Variants in MAP1LC3A observed in about 807,000 individuals in gnomAD.
The protein encoded by MAP1LC3A is microtubule-associated protein 1 light chain 3 alpha.
In MAP1LC3A, 10 loss-of-function variants were observed where a neutral mutation model predicts 15.2. The observed-to-expected ratio is 0.66, with a 90% CI of 0.41 to 1.12. The LOEUF (loss-of-function observed/expected upper bound fraction) is 1.12. Among genes scored for constraint, MAP1LC3A ranks in the 50% most tolerant of loss-of-function variants. The pLI is 0.00. For missense variants in MAP1LC3A, 138 were observed against 167.3 expected (o/e 0.82, Z 0.97); for synonymous variants, 63 against 64.3 (o/e 0.98, Z 0.10).
chr20:34,558,729 C>T lies in MAP1LC3A; in HGVS notation c.-140C>T. The stretch of plus-strand genomic sequence containing the variant: ...GACCTGACGTCACCGGGCGAGTTAC[C>T]TCCCGCAGCCGCAGCCGCCGTGCTC... On this transcript the variant is annotated 5_prime_UTR_variant, in exon 1 of 4. Transcript: ENST00000360668. This position sits in a 1 kb window ranked among gnomAD's most constrained non-coding sequence, Gnocchi z 4.3. 2 of 1,297,502 alleles carry T rather than the reference C, an allele frequency of 1.5e-6. No individual in the cohort carries two copies. The highest frequency in any genetic ancestry group is 1.9e-6 in the Non-Finnish European group (2 of 1,026,574). The allele number at this position is 1,297,502 out of a possible 1,614,324, so 80.4% of individuals were successfully genotyped here. A position where few individuals can be genotyped will look rare whatever the true frequency, so the allele number is the denominator to read the frequency against.
chr20:34,555,855 T>TC (rs1483216078), upstream of MAP1LC3A, among the ~76,000 whole-genome samples: 1 of 151,122 alleles, frequency 6.6e-6, no homozygotes, highest in African/African-American at 2.4e-5. Context: ...TCTTTTTTTT[T>TC]TTTTTTTGAT....
chr20:34,557,362 G>T (rs147371527), upstream of MAP1LC3A, among the ~76,000 whole-genome samples: 1 of 152,096 alleles, frequency 6.6e-6, no homozygotes, highest in Non-Finnish European at 1.5e-5. Flanking sequence ...TTCTTTTGGT[G>T]ATCCTCTTAA....
At chr20:34,548,241 C>T (rs2146667901) in intron 1 of MAP1LC3A, among the ~76,000 whole-genome samples, 1 of 152,298 alleles carries the variant, frequency 6.6e-6, no homozygotes, top group South Asian at 2.1e-4. Context: ...AGAGCCTGGA[C>T]CTGACAGCTG....
chr20:34,556,224 A>C (rs1982152942), upstream of MAP1LC3A, among the ~76,000 whole-genome samples: 1 of 152,242 alleles, frequency 6.6e-6, no homozygotes, highest in African/African-American at 2.4e-5. Context: ...TATTTAGAAT[A>C]GGTTTAAATT....
rs1392661137 is a variant in MAP1LC3A at position 34,559,386 on chromosome 20, G to T, written c.136G>T (p.Val46Phe). The T allele has an allele frequency of 7.1e-7, 1 of 1,415,254 alleles. No individual in the cohort carries two copies. Among genetic ancestry groups the T allele is most frequent in the African/African-American group, 1.5e-5 (1 of 67,270 alleles). The allele number at this position is 1,415,254 out of a possible 1,614,324, so 87.7% of individuals were successfully genotyped here. ...CTACAAGGGTGAGAAGCAGCTGCCC[G>T]TCCTGGACAAGACCAAGTTTTTGGT... ...ERYKGEKQLP[V>F]LDKTKFLVPD... is the part of the protein sequence containing the mutation. The change falls in exon 3 of 4, where the codon GTC becomes TTC. Residue 46 changes from valine (V) to phenylalanine (F), a missense_variant. Transcript: ENST00000360668.
intron 1 of MAP1LC3A, among the ~76,000 whole-genome samples, chr20:34,547,222 G>A (rs980198198): frequency 2.6e-5 from 4 of 152,060 alleles, no homozygotes; most frequent in Non-Finnish European, 5.9e-5. Context: ...TTTTTCAGCC[G>A]GGGGTGCAGC....
In MAP1LC3A at chr20:34,560,181, T is replaced by C. The variant is rs75881564; in HGVS notation, c.*283T>C. 7 of 151,654 alleles carry C rather than the reference T, an allele frequency of 4.6e-5. No individual in the cohort carries two copies. The highest frequency in any genetic ancestry group is 3.9e-4 in the East Asian group (2 of 5,128). The allele number at this position is 151,654 out of a possible 1,614,324, so 9.4% of individuals were successfully genotyped here. On this transcript the variant is annotated 3_prime_UTR_variant, in exon 4 of 4. Coordinates refer to ENST00000360668, the MANE Select transcript of MAP1LC3A (RefSeq NM_032514.4). ...TTCATCTTTTTTTTAGGCCCCTGCC[T>C]GTCTGCCCATCTGCCCCTCACCCAC...
upstream of MAP1LC3A, among the ~76,000 whole-genome samples, chr20:34,554,354 GT>G (rs537779341): frequency 3.2e-4 from 34 of 106,126 alleles, no homozygotes; most frequent in Non-Finnish European, 4.6e-4. Context: ...TATACGTTGG[GT>G]TTTTTTTTTT....
chr20:34,559,555 G>C (rs1360388202), intron 3 of MAP1LC3A, 102 bp downstream of exon 3: 1 of 1,278,418 alleles, frequency 7.8e-7, no homozygotes, highest in Non-Finnish European at 1.1e-6. Context: ...GGGACCGGGC[G>C]GTGGGCCCCT....
Position 34,559,738 on chromosome 20 carries a change from G to C in MAP1LC3A, c.206G>C (p.Arg69Pro), listed in dbSNP as rs1357145981. Residue 69 changes from arginine (R) to proline (P), a missense_variant and splice_region_variant, in exon 4 of 4, where the codon CGC (arginine) becomes CCC (proline). By Grantham distance (103) the Arg-to-Pro change is moderately radical. Transcript: ENST00000360668. Reference protein sequence around the residue: ...NMSELVKIIRRRLQLNPTQAF... With the variant: ...NMSELVKIIRPRLQLNPTQAF... ...GCATACTCTCCCGCCGGCTGCAGGCGCCGCCTGCAGCTGAACCCCACGCAG... is the reference window on the plus strand; with the variant it reads ...GCATACTCTCCCGCCGGCTGCAGGCCCCGCCTGCAGCTGAACCCCACGCAG... The C allele has an allele frequency of 6.2e-7, 1 of 1,600,356 alleles. No homozygotes were observed. The highest frequency in any genetic ancestry group is 8.5e-7 in the Non-Finnish European group (1 of 1,176,238).
chr20:34,558,944 A>G lies in MAP1LC3A; in HGVS notation c.40+36A>G, dbSNP rs1600573070. 2.9e-6 allele frequency: 4 copies of G among 1,362,580 alleles called. No homozygotes were observed. The South Asian group carries it at 5.1e-5, about 17-fold the overall frequency. 84.4% of individuals were successfully genotyped at this position (1,362,580 alleles called of 1,614,324 possible). Reference sequence around the variant, plus strand: ...GCAGGCGAGCTGCGAGCTCTGGGGCAGGGGTGCCGGCCGACCCCGACTGCC... The same window carrying G: ...GCAGGCGAGCTGCGAGCTCTGGGGCGGGGGTGCCGGCCGACCCCGACTGCC... On this transcript the variant is annotated intron_variant, in intron 1 of 3. Transcript: ENST00000360668. This position sits in a 1 kb window ranked among gnomAD's most constrained non-coding sequence, Gnocchi z 4.3.
upstream of MAP1LC3A, among the ~76,000 whole-genome samples, chr20:34,554,409 C>G (rs1982070498): frequency 8.3e-6 from 1 of 119,942 alleles, no homozygotes; most frequent in Non-Finnish European, 1.6e-5. Flanking sequence ...AACTCTCGCT[C>G]TGTCACCAGG....
Position 34,558,749 on chromosome 20 carries a change from G to C in MAP1LC3A, c.-120G>C. 5 of 1,319,414 alleles carry C rather than the reference G, an allele frequency of 3.8e-6. No homozygotes were observed. The South Asian group carries it at 1.1e-4, about 28-fold the overall frequency. 81.7% of individuals were successfully genotyped at this position (1,319,414 alleles called of 1,614,324 possible). A position where few individuals can be genotyped will look rare whatever the true frequency, so the allele number is the denominator to read the frequency against. ...GTTACCTCCCGCAGCCGCAGCCGCC[G>C]TGCTCAGCGCGAGCCCCGGAGCCCT... On this transcript the variant is annotated 5_prime_UTR_variant, in exon 1 of 4. Transcript: ENST00000360668. The surrounding 1 kb of genome is among the most constrained non-coding windows in gnomAD (Gnocchi z 4.3).
chr20:34,549,561 C>T (rs1337765524), intron 1 of MAP1LC3A, among the ~76,000 whole-genome samples: 7 of 152,178 alleles, frequency 4.6e-5, no homozygotes, highest in African/African-American at 1.4e-4. Flanking sequence ...TGGGGTGGCA[C>T]GTTACGGCTG....
upstream of MAP1LC3A, among the ~76,000 whole-genome samples, chr20:34,555,346 T>C (rs954610601): frequency 4.6e-5 from 7 of 152,112 alleles, no homozygotes; most frequent in African/African-American, 7.2e-5. Flanking sequence ...GGTTTTGCCA[T>C]GTTGGCCAGG....
At position 34,558,731 on chromosome 20, in the gene MAP1LC3A, CCCGCAG is replaced by C; in HGVS notation, c.-127_-122del. The C allele has an allele frequency of 1.5e-6, 2 of 1,307,246 alleles. No individual in the cohort carries two copies. Among genetic ancestry groups the C allele is most frequent in the Non-Finnish European group, 1.9e-6 (2 of 1,032,450 alleles). 81.0% of individuals were successfully genotyped at this position (1,307,246 alleles called of 1,614,324 possible). ...CCTGACGTCACCGGGCGAGTTACCTCCCGCAGCCGCAGCCGCCGTGCTCAGCGCGAG... is the reference window on the plus strand; with the variant it reads ...CCTGACGTCACCGGGCGAGTTACCTCCCGCAGCCGCCGTGCTCAGCGCGAG... On this transcript the variant is annotated 5_prime_UTR_variant, in exon 1 of 4. Transcript: ENST00000360668. The surrounding 1 kb of genome is among the most constrained non-coding windows in gnomAD (Gnocchi z 4.3).
At chr20:34,549,543 T>C (rs950133206) in intron 1 of MAP1LC3A, among the ~76,000 whole-genome samples, 1 of 152,062 alleles carries the variant, frequency 6.6e-6, no homozygotes, top group Admixed American at 6.5e-5. Flanking sequence ...AGAAAACAGC[T>C]TGATTGATGG....
upstream of MAP1LC3A, among the ~76,000 whole-genome samples, chr20:34,556,034 G>A (rs1302292850): frequency 6.6e-6 from 1 of 151,460 alleles, no homozygotes; most frequent in South Asian, 2.1e-4. Context: ...AGTAGAGACG[G>A]GGTTTCACCA....
In MAP1LC3A at chr20:34,558,862, C is replaced by G; in HGVS notation, c.-7C>G. Reference sequence around the variant, plus strand: ...CCCCGGCCTGCGCGCCCAGCCGGGCCCGCGCGATGCCCTCAGACCGGCCTT... The same window carrying G: ...CCCCGGCCTGCGCGCCCAGCCGGGCGCGCGCGATGCCCTCAGACCGGCCTT... On this transcript the variant is annotated 5_prime_UTR_variant, in exon 1 of 4. Transcript: ENST00000360668. This position sits in a 1 kb window ranked among gnomAD's most constrained non-coding sequence, Gnocchi z 4.3. 1.4e-6 allele frequency: 2 copies of G among 1,438,874 alleles called. No homozygotes were observed. The highest frequency in any genetic ancestry group is 1.4e-5 in the South Asian group (1 of 72,752). The allele number at this position is 1,438,874 out of a possible 1,614,324, so 89.1% of individuals were successfully genotyped here. A position where few individuals can be genotyped will look rare whatever the true frequency, so the allele number is the denominator to read the frequency against.
Sources: allele counts gnomAD v4.1 joint callset (sites outside exome capture counted in the v4.1 genomes callset), GRCh38; gene constraint gnomAD v4.1.1; non-coding constraint Gnocchi (gnomAD v3.1); transcripts MANE v1.5; gene names NCBI Gene and HGNC (gene_info 2026-07-23, HGNC 2026-07-21).